The following MAD1L1 variants were observed in gnomAD, a reference collection of about 807,000 sequenced individuals.
MAD1L1 encodes mitotic arrest deficient 1 like 1.
In MAD1L1, 95 loss-of-function variants were observed where a neutral mutation model predicts 96.9. The ratio of observed to expected loss-of-function variants is 0.98; its 90% confidence interval spans 0.83 to 1.16. MAD1L1 has a LOEUF of 1.16. MAD1L1 is among the 50% of genes most tolerant of loss of function. The pLI is 0.00. For synonymous variants in MAD1L1, 473 were observed against 396.6 expected (o/e 1.19, Z -2.29); for missense variants, 1,007 against 954.4 (o/e 1.06, Z -0.73).
At chr7:2,209,136 T>G (rs1432571259) in intron 10 of MAD1L1, among the ~76,000 whole-genome samples, 1 of 152,152 alleles carries the variant, frequency 6.6e-6, no homozygotes, top group Non-Finnish European at 1.5e-5. Context: ...ACATGTCACA[T>G]GTGCCCAGGC....
At chr7:2,217,832 A>C (rs1639914) in intron 7 of MAD1L1, 130 bp downstream of exon 7, 1 of 761,560 alleles carries the variant, frequency 1.3e-6, no homozygotes, top group African/African-American at 1.7e-5. Flanking sequence ...ACAGTGCCCA[A>C]CACACAGGGC....
rs371409986 is a variant in MAD1L1 at position 1,899,776 on chromosome 7, A to C, written c.1808-1386T>G. 3.5e-3 allele frequency among the ~76,000 whole-genome samples: 536 copies of C among 152,286 alleles called. 2 individuals are homozygous for C. The highest frequency in any genetic ancestry group is 0.031 in the South Asian group (148 of 4,822). On this transcript the variant is annotated intron_variant, in intron 17 of 18. Transcript: ENST00000265854. ...AGGGGCTGCCGGGGAGTTTGTGCACAGCGGCCCGAAGAGGCTCTGATGGGC... is the reference window on the plus strand; with the variant it reads ...AGGGGCTGCCGGGGAGTTTGTGCACCGCGGCCCGAAGAGGCTCTGATGGGC...
intron 3 of MAD1L1, among the ~76,000 whole-genome samples, chr7:2,229,717 G>C (rs546113322): frequency 1.7e-4 from 26 of 152,386 alleles, no homozygotes; most frequent in African/African-American, 6.3e-4. Flanking sequence ...GGGTCTGTGA[G>C]TGCACTTGTG....
intron 10 of MAD1L1, among the ~76,000 whole-genome samples, chr7:2,194,100 T>C (rs1562358869): frequency 3.3e-5 from 5 of 151,984 alleles, no homozygotes; most frequent in Admixed American, 6.6e-5. Flanking sequence ...CGTGCCACCA[T>C]GCCTGGCTAA....
intron 17 of MAD1L1, among the ~76,000 whole-genome samples, chr7:1,916,927 A>C (rs1453892547): frequency 6.6e-6 from 1 of 152,074 alleles, no homozygotes; most frequent in African/African-American, 2.4e-5. Context: ...CGACCCTGGC[A>C]CATCTCCCAT....
intron 14 of MAD1L1, among the ~76,000 whole-genome samples, chr7:1,997,591 A>T (rs932066911): frequency 5.3e-5 from 8 of 152,178 alleles, no homozygotes; most frequent in African/African-American, 1.7e-4. Context: ...CAGCCCAGAG[A>T]CCCCCTTCAG....
At chr7:2,122,261 T>A (rs933638984) in intron 11 of MAD1L1, among the ~76,000 whole-genome samples, 3 of 152,240 alleles carry the variant, frequency 2.0e-5, no homozygotes, top group African/African-American at 7.2e-5. Context: ...GTCCACCTCG[T>A]GTGCCTTGCC....
At chr7:1,875,128 C>G (rs1443254800) in intron 18 of MAD1L1, among the ~76,000 whole-genome samples, 1 of 152,146 alleles carries the variant, frequency 6.6e-6, no homozygotes, top group Admixed American at 6.5e-5. Flanking sequence ...AGACGACTAA[C>G]GAGCAGCTCC....
chr7:1,893,158 G>C (rs1272174863), intron 18 of MAD1L1, among the ~76,000 whole-genome samples: 1 of 152,178 alleles, frequency 6.6e-6, no homozygotes, highest in Non-Finnish European at 1.5e-5. Context: ...TTCCCGCTGG[G>C]AAGAGCTGGA....
At chr7:1,977,794 T>G (rs2128482536) in intron 15 of MAD1L1, among the ~76,000 whole-genome samples, 1 of 152,312 alleles carries the variant, frequency 6.6e-6, no homozygotes, top group South Asian at 2.1e-4. Context: ...GAGTGCCATC[T>G]CAGAGAGCGG....
chr7:1,919,915 C>G (rs1489616702), intron 17 of MAD1L1, among the ~76,000 whole-genome samples: 1 of 152,160 alleles, frequency 6.6e-6, no homozygotes, highest in African/African-American at 2.4e-5. Context: ...TGCAAAGTGC[C>G]CAGGGGTGGC....
rs925632873 is a variant in MAD1L1 at position 2,142,555 on chromosome 7, G to A, written c.1073+6597C>T. Among the ~76,000 whole-genome samples the A allele has an allele frequency of 6.6e-6, 1 of 152,240 alleles. No individual in the cohort carries two copies. The highest frequency in any genetic ancestry group is 2.4e-5 in the African/African-American group (1 of 41,454). ...AGCTGCCACTGAGCCCACGGTGAAGGGCACGGTGCCACCCAGAGCTCCTGG... is the reference window on the plus strand; with the variant it reads ...AGCTGCCACTGAGCCCACGGTGAAGAGCACGGTGCCACCCAGAGCTCCTGG... On this transcript the variant is annotated intron_variant, in intron 11 of 18. Transcript: ENST00000265854. This position sits in a 1 kb window ranked among gnomAD's most constrained non-coding sequence, Gnocchi z 4.7.
In MAD1L1 at chr7:2,014,625, C is replaced by A; in HGVS notation, c.1236G>T (p.Arg412=). 1 of 1,611,700 alleles carries A rather than the reference C, an allele frequency of 6.2e-7. No homozygotes were observed. Among genetic ancestry groups the A allele is most frequent in the Non-Finnish European group, 8.5e-7 (1 of 1,179,332 alleles). ...CGCTGTCGTAGGACCCCAGGATGGCCCGCATACCGTCCCGCTCCTGTGGAC... is the reference window on the plus strand; with the variant it reads ...CGCTGTCGTAGGACCCCAGGATGGCACGCATACCGTCCCGCTCCTGTGGAC... ...LLLTKERDGM[R]AILGSYDSEL... The change falls in exon 13 of 19, where the codon CGG becomes CGT. Residue 412 remains arginine, a synonymous_variant. Transcript: ENST00000265854.
At chr7:2,101,535 G>T (rs1786780568) in intron 11 of MAD1L1, among the ~76,000 whole-genome samples, 2 of 149,440 alleles carry the variant, frequency 1.3e-5, no homozygotes, top group Admixed American at 6.7e-5. Context: ...CTCCTAAAGG[G>T]TCTCCATCCA....
chr7:1,888,179 CGT>C (rs1333599732), intron 18 of MAD1L1, among the ~76,000 whole-genome samples: 5 of 95,982 alleles, frequency 5.2e-5, no homozygotes, highest in Admixed American at 2.2e-4. Context: ...GCTGCCTGTG[CGT>C]GTGTGCATGC....
intron 10 of MAD1L1, among the ~76,000 whole-genome samples, chr7:2,165,172 C>A (rs541492298): frequency 2.4e-4 from 37 of 151,626 alleles, no homozygotes; most frequent in African/African-American, 7.7e-4. Flanking sequence ...CCATTGCACT[C>A]CAGCCTGGGC....
chr7:1,874,382 C>T, intron 18 of MAD1L1: 1 of 379,330 alleles, frequency 2.6e-6, no homozygotes, highest in Admixed American at 3.3e-5. Context: ...GACGTTGCAG[C>T]AGCACCGGGA....
At chr7:1,955,871 C>G (rs1005267214) in intron 16 of MAD1L1, among the ~76,000 whole-genome samples, 1 of 151,870 alleles carries the variant, frequency 6.6e-6, no homozygotes, top group African/African-American at 2.4e-5. Flanking sequence ...TGACTTGTGA[C>G]CTAAGTAGCT....
chr7:1,878,743 C>G (rs965906760), intron 18 of MAD1L1, among the ~76,000 whole-genome samples: 1 of 138,462 alleles, frequency 7.2e-6, no homozygotes, highest in South Asian at 2.4e-4. Context: ...CCCCCCCCCC[C>G]ATTCTTATTC....
Sources: allele counts gnomAD v4.1 joint callset (sites outside exome capture counted in the v4.1 genomes callset), GRCh38; gene constraint gnomAD v4.1.1; non-coding constraint Gnocchi (gnomAD v3.1); transcripts MANE v1.5; gene names NCBI Gene and HGNC (gene_info 2026-07-23, HGNC 2026-07-21).